The following MYO3B variants were observed in gnomAD, a reference collection of about 807,000 sequenced individuals.
The protein encoded by MYO3B is myosin IIIB, also known as myosin-IIIb.
Under a neutral mutation model 174.6 loss-of-function variants are expected in MYO3B, and 156 were observed. The observed-to-expected ratio is 0.89, with a 90% CI of 0.78 to 1.02. The LOEUF (loss-of-function observed/expected upper bound fraction) is 1.02. Ranked by LOEUF, MYO3B falls within the 50% of genes least tolerant of loss-of-function variation. The probability of loss-of-function intolerance (pLI) is 0.00; values close to 1 mark genes in which losing one functional copy is unlikely to be tolerated. For synonymous variants in MYO3B, 563 were observed against 569.1 expected, an observed-to-expected ratio of 0.99 and a Z score of 0.15; for missense variants, 1,632 against 1,639.4, an observed-to-expected ratio of 1.00 and a Z score of 0.08.
Position 170,353,142 on chromosome 2 carries a change from C to G in MYO3B, c.816-16080C>G, listed in dbSNP as rs549970927. Among the ~76,000 whole-genome samples, 5 of 152,172 alleles carry G rather than the reference C, an allele frequency of 3.3e-5. No individual in the cohort carries two copies. In the East Asian group the frequency reaches 9.6e-4, roughly 29 times the overall value. On this transcript the variant is annotated intron_variant, in intron 8 of 34. Coordinates refer to ENST00000408978, the MANE Select transcript of MYO3B (RefSeq NM_138995.5). ...ACAGTTTTATTTACAAGTGCCAAAA[C>G]TTGGAAATCACCAAGATGTCCTTCA...
At chr2:170,214,155 C>G (rs933016483) in intron 3 of MYO3B, among the ~76,000 whole-genome samples, 1 of 152,062 alleles carries the variant, frequency 6.6e-6, no homozygotes, top group Non-Finnish European at 1.5e-5. Context: ...TTTGAACATG[C>G]ACTTTCACTC....
At chr2:170,473,146 T>TC (rs1347349544) in intron 25 of MYO3B, among the ~76,000 whole-genome samples, 2 of 110,902 alleles carry the variant, frequency 1.8e-5, no homozygotes, top group African/African-American at 9.5e-5. Context: ...TTTCTTTTTT[T>TC]TTTTTTTTTT....
At chr2:170,533,810 C>G (rs1250852356) in intron 30 of MYO3B, among the ~76,000 whole-genome samples, 1 of 152,066 alleles carries the variant, frequency 6.6e-6, no homozygotes, top group Non-Finnish European at 1.5e-5. Context: ...AAAACCTTGT[C>G]TTGTGTGTTT....
At chr2:170,603,572 T>TA (rs1269775901) in intron 32 of MYO3B, among the ~76,000 whole-genome samples, 6 of 152,180 alleles carry the variant, frequency 3.9e-5, no homozygotes, top group Non-Finnish European at 8.8e-5. Flanking sequence ...ACCTTTTTTT[T>TA]ACTACAAAAC....
chr2:170,302,429 G>T (rs564245369), intron 7 of MYO3B, among the ~76,000 whole-genome samples: 1 of 152,098 alleles, frequency 6.6e-6, no homozygotes, highest in Non-Finnish European at 1.5e-5. Context: ...GCTGGGGCTG[G>T]GACTGTAAAA....
At chr2:170,489,634 G>GGTGTGTGTGT (rs369174830) in intron 25 of MYO3B, among the ~76,000 whole-genome samples, 2,173 of 139,350 alleles carry the variant, frequency 0.016, 64 homozygotes, top group East Asian at 0.079. Flanking sequence ...AACCAGTAGG[G>GGTGTGTGTGT]GTGTGTGTGT....
At chr2:170,230,308 C>CG (rs1183624653) in intron 6 of MYO3B, among the ~76,000 whole-genome samples, 1 of 140,228 alleles carries the variant, frequency 7.1e-6, no homozygotes, top group Non-Finnish European at 1.5e-5. Context: ...TAGCTGGGAT[C>CG]ACAGGCATGT....
chr2:170,605,497 T>G (rs977170086), intron 32 of MYO3B, among the ~76,000 whole-genome samples: 1 of 152,206 alleles, frequency 6.6e-6, no homozygotes, highest in African/African-American at 2.4e-5. Context: ...TGTCCAGAAC[T>G]GAACTCTTGA....
intron 32 of MYO3B, among the ~76,000 whole-genome samples, chr2:170,582,032 GT>G (rs766148273): frequency 3.1e-4 from 47 of 152,350 alleles, no homozygotes; most frequent in Non-Finnish European, 6.8e-4. Context: ...TTGTAAGGCA[GT>G]TGTAAGGCAG....
In MYO3B at chr2:170,257,408, A is replaced by G. The variant is rs7608240; in HGVS notation, c.749+21272A>G. 4.8e-3 allele frequency among the ~76,000 whole-genome samples: 733 copies of G among 152,330 alleles called. 9 individuals carry two copies. Among genetic ancestry groups the G allele is most frequent in the African/African-American group, 0.017 (709 of 41,576 alleles). On this transcript the variant is annotated intron_variant, in intron 7 of 34. Coordinates refer to ENST00000408978, the MANE Select transcript of MYO3B (RefSeq NM_138995.5). ...CATACTCTTGGACCACAGTGGAATA[A>G]AAATTGAAATCAATACCAAGAAGAT... is the stretch of plus-strand genomic sequence containing the variant.
intron 32 of MYO3B, among the ~76,000 whole-genome samples, chr2:170,628,055 C>T (rs920538602): frequency 6.6e-6 from 1 of 152,160 alleles, no homozygotes; most frequent in African/African-American, 2.4e-5. Flanking sequence ...GCTGGGAGAA[C>T]CACTACTCTC....
intron 32 of MYO3B, among the ~76,000 whole-genome samples, chr2:170,557,361 C>G (rs4668277): frequency 0.79 from 120,031 of 151,552 alleles, 48,136 homozygotes; most frequent in African/African-American, 0.87. Context: ...GGATGGTCTC[C>G]ATCTCCTGAC....
At chr2:170,394,531 C>A (rs1052254777) in intron 16 of MYO3B, among the ~76,000 whole-genome samples, 2 of 152,104 alleles carry the variant, frequency 1.3e-5, no homozygotes, top group African/African-American at 4.8e-5. Context: ...AAATGAATGA[C>A]TGTATGAATA....
At chr2:170,486,223 C>T (rs753662187) in intron 25 of MYO3B, among the ~76,000 whole-genome samples, 1 of 149,992 alleles carries the variant, frequency 6.7e-6, no homozygotes, top group Non-Finnish European at 1.5e-5. Flanking sequence ...AAACATAAGA[C>T]AATAACTCAA....
chr2:170,617,811 G>A (rs1265048684), intron 32 of MYO3B, among the ~76,000 whole-genome samples: 1 of 152,100 alleles, frequency 6.6e-6, no homozygotes, highest in African/African-American at 2.4e-5. Context: ...TGACCTTTAG[G>A]AGCCCAATCA....
At chr2:170,219,002 A>G (rs2092861542) in intron 6 of MYO3B, among the ~76,000 whole-genome samples, 1 of 152,174 alleles carries the variant, frequency 6.6e-6, no homozygotes, top group Non-Finnish European at 1.5e-5. Context: ...ATGCCCCAAC[A>G]GTAGTGAACA....
chr2:170,303,033 T>C lies in MYO3B; in HGVS notation c.750-32352T>C, dbSNP rs1227029517. Among the ~76,000 whole-genome samples the C allele has an allele frequency of 5.9e-5, 9 of 152,218 alleles. No individual in the cohort carries two copies. The South Asian group carries it at 1.0e-3, about 18-fold the overall frequency. The stretch of plus-strand genomic sequence containing the variant: ...TGTTTTACATAAAAGGCACATACCA[T>C]ATATAATGTTTAGGATTTTTTTTCT... On this transcript the variant is annotated intron_variant, in intron 7 of 34. Transcript: ENST00000408978.
chr2:170,499,941 T>TCCCC (rs1335339659), intron 27 of MYO3B, 133 bp downstream of exon 27: 1 of 676,170 alleles, frequency 1.5e-6, no homozygotes, highest in Non-Finnish European at 2.4e-6. Context: ...CTCCCTTCCT[T>TCCCC]CCTTCCTTCT....
Position 170,399,265 on chromosome 2 carries a change from AAGAGAG to A in MYO3B, c.1792-919_1792-914del, listed in dbSNP as rs534114607. On this transcript the variant is annotated intron_variant, in intron 16 of 34. Transcript: ENST00000408978. The stretch of plus-strand genomic sequence containing the variant: ...CTCAAAAAAAAAAAAAAAAAAAAAA[AAGAGAG>A]AGACCAGTCTGGCCAACAGGGCAAA... Among the ~76,000 whole-genome samples the A allele has an allele frequency of 4.2e-3, 443 of 104,238 alleles. 72 individuals are homozygous for A. The highest frequency in any genetic ancestry group is 0.017 in the African/African-American group (401 of 24,068). 68.4% of individuals were successfully genotyped at this position (104,238 alleles called of 152,430 possible).
Sources: gnomAD v4.1 joint callset for allele counts (sites outside exome capture counted in the v4.1 genomes callset) on GRCh38, gnomAD v4.1.1 for gene constraint, MANE v1.5 for transcripts, NCBI Gene and HGNC (gene_info 2026-07-23, HGNC 2026-07-21) for gene names.